The following SCAF4 variants were observed in gnomAD, a reference collection of about 807,000 sequenced individuals.
The protein encoded by SCAF4 is SR-related CTD associated factor 4.
In SCAF4, 25 loss-of-function variants were observed where a neutral mutation model predicts 129.8. That is an observed-to-expected ratio of 0.19 (90% confidence interval 0.14 to 0.27). The LOEUF (loss-of-function observed/expected upper bound fraction) is 0.27, where lower values mean the gene tolerates loss of function less well. Among genes scored for constraint, SCAF4 ranks in the 10% least tolerant of loss-of-function variants. The probability of loss-of-function intolerance (pLI) is 1.00; values close to 1 mark genes in which losing one functional copy is unlikely to be tolerated. For missense variants in SCAF4, 1,246 were observed against 1,457.1 expected, an observed-to-expected ratio of 0.86 and a Z score of 2.36; for synonymous variants, 551 against 497.7, an observed-to-expected ratio of 1.11 and a Z score of -1.43.
chr21:31,703,698 T>C, intron 4 of SCAF4, 67 bp downstream of exon 4: 1 of 876,320 alleles, frequency 1.1e-6, no homozygotes, highest in Non-Finnish European at 1.7e-6. Flanking sequence ...AGGCTCCAAA[T>C]ATCTAACATA....
intron 16 of SCAF4, among the ~76,000 whole-genome samples, chr21:31,686,215 A>G (rs202188340): frequency 0.11 from 13,934 of 131,904 alleles, 604 homozygotes; most frequent in East Asian, 0.38. Context: ...AAAAAAAAAA[A>G]AGAAAAAAAA....
rs752276039 is a variant in SCAF4, at chr21:31,692,458, A to C, written c.1514-9T>G. ...GAGGGTAGTACTGCAAACTTAAAAT[A>C]AAATTACAATCATAAAGAGATTCAC... On this transcript the variant is annotated splice_polypyrimidine_tract_variant and intron_variant, in intron 12 of 19. Coordinates refer to ENST00000286835, the MANE Select transcript of SCAF4 (RefSeq NM_020706.2). The C allele has an allele frequency of 1.3e-4, 200 of 1,584,764 alleles. No individual in the cohort carries two copies. Among genetic ancestry groups the C allele is most frequent in the Non-Finnish European group, 1.7e-4 (193 of 1,153,982 alleles).
In SCAF4 at chr21:31,696,145, T is replaced by A. The variant is rs779315990; in HGVS notation, c.1036A>T (p.Met346Leu). 6.2e-7 allele frequency: 1 copy of A among 1,613,762 alleles called. No individual in the cohort carries two copies. Among genetic ancestry groups the A allele is most frequent in the Non-Finnish European group, 8.5e-7 (1 of 1,179,748 alleles). Reference protein sequence around the residue: ...QNMDQFQPRMMGIQQDPMHHQ... With the variant: ...QNMDQFQPRMLGIQQDPMHHQ... ...TGCATTGGATCCTGTTGTATTCCCA[T>A]CATTCGTGGCTGAAACTGATCCATA... The change falls in exon 9 of 20, where the codon ATG (methionine) becomes TTG (leucine). Residue 346 changes from methionine (M) to leucine (L), a missense_variant. By Grantham distance (15) the Met-to-Leu change is conservative (BLOSUM62 2). Coordinates refer to ENST00000286835, the MANE Select transcript of SCAF4 (RefSeq NM_020706.2).
chr21:31,707,393 T>C (rs896468522), intron 1 of SCAF4, among the ~76,000 whole-genome samples: 1 of 152,076 alleles, frequency 6.6e-6, no homozygotes. Context: ...ATTTAACAAA[T>C]CTCACAACAG....
intron 7 of SCAF4, 66 bp from the exon 8 acceptor site, chr21:31,696,816 G>A (rs2123558008): frequency 1.5e-6 from 2 of 1,325,166 alleles, no homozygotes; most frequent in South Asian, 1.4e-5. Context: ...AAAACTTTAT[G>A]AAAACAAGGG....
chr21:31,718,219 T>C (rs1236381512), intron 1 of SCAF4, among the ~76,000 whole-genome samples: 1 of 152,186 alleles, frequency 6.6e-6, no homozygotes, highest in African/African-American at 2.4e-5. Flanking sequence ...GTGCTGGGAT[T>C]ACAGGCGTGA....
intron 9 of SCAF4, 78 bp downstream of exon 9, chr21:31,696,035 A>C: frequency 1.1e-6 from 1 of 909,214 alleles, no homozygotes; most frequent in East Asian, 2.7e-5. Context: ...ACATAGCTGC[A>C]GAGTGCTCTG....
intron 1 of SCAF4, among the ~76,000 whole-genome samples, chr21:31,731,042 A>G (rs567757088): frequency 9.8e-5 from 15 of 152,306 alleles, no homozygotes; most frequent in Non-Finnish European, 1.8e-4. Context: ...TCACGACTTT[A>G]AATTATAACG....
At chr21:31,704,381 C>T (rs897690713) in intron 3 of SCAF4, among the ~76,000 whole-genome samples, 7 of 151,888 alleles carry the variant, frequency 4.6e-5, no homozygotes, top group Non-Finnish European at 8.8e-5. Flanking sequence ...TTTGGCTAAC[C>T]GAACTGACAA....
intron 1 of SCAF4, 32 bp from the exon 2 acceptor site, chr21:31,706,389 G>GT: frequency 7.0e-7 from 1 of 1,437,870 alleles, no homozygotes; most frequent in Non-Finnish European, 9.7e-7. Flanking sequence ...AAAAAGTAAA[G>GT]TTTAACTATT....
chr21:31,717,338 T>C (rs951476781), intron 1 of SCAF4, among the ~76,000 whole-genome samples: 4 of 151,990 alleles, frequency 2.6e-5, no homozygotes. Context: ...GGTAACTACA[T>C]AAAAAATTCC....
rs200914020 is a variant in SCAF4 at position 31,685,479 on chromosome 21, G to A, written c.2215C>T (p.Leu739=). 1.9e-6 allele frequency: 3 copies of A among 1,613,480 alleles called. No individual in the cohort carries two copies. The East Asian group carries it at 6.7e-5, about 36-fold the overall frequency. Residue 739 remains leucine, a synonymous_variant, in exon 18 of 20, where the codon CTG becomes TTG. Transcript: ENST00000286835. ...FNPMHLPPGF[L]PPGPPPPITP... ...ATAGGAGGTGGGGGTCCAGGAGGCA[G>A]AAAACCTAGAATAAGAAAAATAATG...
intron 15 of SCAF4, among the ~76,000 whole-genome samples, chr21:31,688,725 A>G (rs1052375704): frequency 2.0e-5 from 3 of 152,256 alleles, no homozygotes; most frequent in African/African-American, 7.2e-5. Flanking sequence ...AGATACTACT[A>G]TTATTCCCAT....
In SCAF4 at chr21:31,690,849, T is replaced by C. The variant is rs766866721; in HGVS notation, c.1833A>G (p.Glu611=). 6.2e-7 allele frequency: 1 copy of C among 1,613,900 alleles called. No individual in the cohort carries two copies. The highest frequency in any genetic ancestry group is 1.1e-5 in the South Asian group (1 of 90,998). ...YIPWDKVKPE[E]LESFCEGGML... is the part of the protein sequence containing the mutation. Reference sequence around the variant, plus strand: ...TTCCTCCTTCACAAAAACTCTCCAGTTCCTCAGGCTTGACTTTGTCCCATG... The same window carrying C: ...TTCCTCCTTCACAAAAACTCTCCAGCTCCTCAGGCTTGACTTTGTCCCATG... The change falls in exon 15 of 20, where the codon GAA becomes GAG. Residue 611 remains glutamate, a synonymous_variant. Transcript: ENST00000286835.
intron 1 of SCAF4, chr21:31,706,875 T>C (rs2050677064): frequency 3.2e-6 from 1 of 309,150 alleles, no homozygotes; most frequent in South Asian, 3.2e-5. Context: ...ACTCAGTACA[T>C]ACCATGTCTT....
intron 19 of SCAF4, 114 bp from the exon 20 acceptor site, chr21:31,672,468 CAT>C: frequency 1.2e-6 from 1 of 860,406 alleles, no homozygotes; most frequent in Non-Finnish European, 1.8e-6. Flanking sequence ...CTTCAAATTT[CAT>C]AGTTTGCCAC....
chr21:31,718,459 C>A (rs1473669271), intron 1 of SCAF4, among the ~76,000 whole-genome samples: 1 of 152,112 alleles, frequency 6.6e-6, no homozygotes, highest in African/African-American at 2.4e-5. Context: ...AGAAAATTTA[C>A]AAAGCTTTTT....
At chr21:31,697,665 T>C (rs2050421785) in intron 7 of SCAF4, among the ~76,000 whole-genome samples, 1 of 152,240 alleles carries the variant, frequency 6.6e-6, no homozygotes, top group Non-Finnish European at 1.5e-5. Flanking sequence ...CAACCTTAAA[T>C]TCCTGAACCT....
chr21:31,710,027 T>C (rs2050762683), intron 1 of SCAF4, among the ~76,000 whole-genome samples: 1 of 151,088 alleles, frequency 6.6e-6, no homozygotes, highest in Admixed American at 6.6e-5. Flanking sequence ...TGAAAAGGAA[T>C]ATAGGGGGAA....
Sources: allele counts gnomAD v4.1 joint callset (sites outside exome capture counted in the v4.1 genomes callset), GRCh38; gene constraint gnomAD v4.1.1; transcripts MANE v1.5; gene names NCBI Gene and HGNC (gene_info 2026-07-23, HGNC 2026-07-21).